KHDRBS2: variants seen among roughly 807,000 people sequenced by gnomAD.
KHDRBS2 encodes KH domain-containing, RNA-binding, signal transduction-associated protein 2.
In KHDRBS2, 26 loss-of-function variants were observed where a neutral mutation model predicts 44.3. The ratio of observed to expected loss-of-function variants is 0.59; its 90% CI spans 0.43 to 0.81. The LOEUF (loss-of-function observed/expected upper bound fraction) is 0.81. Ranked by LOEUF, KHDRBS2 falls within the 40% of genes least tolerant of loss-of-function variation. The pLI, the probability that KHDRBS2 is intolerant of heterozygous loss-of-function variation, is 0.00. For synonymous variants in KHDRBS2, 194 were observed against 151.1 expected, an observed-to-expected ratio of 1.28 and a Z score of -2.08; for missense variants, 476 against 433.1, an observed-to-expected ratio of 1.10 and a Z score of -0.88.
At chr6:61,745,199 T>G (rs1562079822) in intron 6 of KHDRBS2, among the ~76,000 whole-genome samples, 1 of 152,196 alleles carries the variant, frequency 6.6e-6, no homozygotes, top group Non-Finnish European at 1.5e-5. Flanking sequence ...TAGAGATTGC[T>G]TCTAGGCTAT....
chr6:62,246,747 A>G (rs960778112), intron 1 of KHDRBS2, among the ~76,000 whole-genome samples: 3 of 151,938 alleles, frequency 2.0e-5, no homozygotes, highest in Non-Finnish European at 2.9e-5. Flanking sequence ...ATTTTTTCCT[A>G]ATTTGGTAAG....
At chr6:61,618,202 C>T in the KHDRBS2 span, among the ~76,000 whole-genome samples, 2 of 152,080 alleles carry the variant, frequency 1.3e-5, no homozygotes, top group Non-Finnish European at 2.9e-5. Flanking sequence ...TTTTGTGGGG[C>T]ACTATTTTGA....
At chr6:62,036,907 A>C (rs1785395617) in intron 3 of KHDRBS2, among the ~76,000 whole-genome samples, 1 of 151,984 alleles carries the variant, frequency 6.6e-6, no homozygotes, top group Non-Finnish European at 1.5e-5. Flanking sequence ...GTATTATGAC[A>C]TAAAAGTACA....
At chr6:61,980,209 A>T (rs1449990665) in intron 3 of KHDRBS2, among the ~76,000 whole-genome samples, 1 of 152,174 alleles carries the variant, frequency 6.6e-6, no homozygotes, top group Non-Finnish European at 1.5e-5. Flanking sequence ...TAGGAAGATT[A>T]TTGTGCAGGA....
intron 2 of KHDRBS2, among the ~76,000 whole-genome samples, chr6:62,150,965 C>A (rs1477939078): frequency 1.3e-5 from 2 of 152,144 alleles, no homozygotes; most frequent in African/African-American, 2.4e-5. Context: ...TCTCCTAGGA[C>A]AATCTTTAAG....
At chr6:61,991,186 C>T (rs1412446678) in intron 3 of KHDRBS2, among the ~76,000 whole-genome samples, 2 of 152,140 alleles carry the variant, frequency 1.3e-5, no homozygotes, top group Non-Finnish European at 2.9e-5. Flanking sequence ...AAAATTTTCA[C>T]TAATGCAAAC....
At chr6:61,565,949 T>C in the KHDRBS2 span, among the ~76,000 whole-genome samples, 2 of 151,980 alleles carry the variant, frequency 1.3e-5, no homozygotes, top group Admixed American at 6.6e-5. Flanking sequence ...AGCTAAAATA[T>C]TTGAAATAAA....
At chr6:61,627,879 G>C in the KHDRBS2 span, among the ~76,000 whole-genome samples, 1 of 152,044 alleles carries the variant, frequency 6.6e-6, no homozygotes, top group African/African-American at 2.4e-5. Flanking sequence ...TCAAACCTGA[G>C]GGGTTAGTGA....
chr6:61,874,459 C>T (rs148271416), intron 6 of KHDRBS2, among the ~76,000 whole-genome samples: 1 of 152,094 alleles, frequency 6.6e-6, no homozygotes, highest in African/African-American at 2.4e-5. Flanking sequence ...AATGTGTCTA[C>T]TTTTTCCCCC....
chr6:61,694,431 G>A (rs1767686374), intron 8 of KHDRBS2, among the ~76,000 whole-genome samples: 1 of 152,172 alleles, frequency 6.6e-6, no homozygotes, highest in Admixed American at 6.5e-5. Context: ...CATGTTCTCA[G>A]AGACTAGTGA....
chr6:61,630,976 G>A, the KHDRBS2 span, among the ~76,000 whole-genome samples: 1 of 152,048 alleles, frequency 6.6e-6, no homozygotes, highest in Non-Finnish European at 1.5e-5. Flanking sequence ...TCTCAGCTTG[G>A]GTTCTCAAGT....
chr6:62,096,803 AG>A (rs1354124181), intron 2 of KHDRBS2, among the ~76,000 whole-genome samples: 2 of 151,718 alleles, frequency 1.3e-5, no homozygotes, highest in African/African-American at 4.8e-5. Flanking sequence ...CTGCAACATT[AG>A]GTTGTTTATT....
Position 62,217,271 on chromosome 6 carries a change from A to T in KHDRBS2, c.92-39959T>A, listed in dbSNP as rs1830169513. On this transcript the variant is annotated intron_variant, in intron 1 of 8. Coordinates refer to ENST00000281156, the MANE Select transcript of KHDRBS2 (RefSeq NM_152688.4). ...TAACAATCAATCAATCCTATATTCA[A>T]ATGACCAGAAAAAAAAGCTAAATTC... Among the ~76,000 whole-genome samples the T allele has an allele frequency of 2.0e-5, 3 of 151,760 alleles. No homozygotes were observed. In the South Asian group the frequency reaches 6.2e-4, roughly 32 times the overall value.
At chr6:61,887,204 A>T (rs1438980805) in intron 6 of KHDRBS2, among the ~76,000 whole-genome samples, 1 of 152,190 alleles carries the variant, frequency 6.6e-6, no homozygotes, top group Non-Finnish European at 1.5e-5. Context: ...AGTTGATAGT[A>T]TTATCCTGAG....
rs201374549 is a variant in KHDRBS2 at position 61,894,750 on chromosome 6, G to C, written c.695C>G (p.Ala232Gly). 3 of 1,613,446 alleles carry C rather than the reference G, an allele frequency of 1.9e-6. No homozygotes were observed. Among genetic ancestry groups the C allele is most frequent in the South Asian group, 2.2e-5 (2 of 90,994 alleles). Reference protein sequence around the residue: ...TPRGSTVTRGALPVPPVARGV... With the variant: ...TPRGSTVTRGGLPVPPVARGV... ...TCTTGCTACAGGTGGCACTGGAAGCGCTCCACGGGTTACAGTGCTTCCCCG... is the reference window on the plus strand; with the variant it reads ...TCTTGCTACAGGTGGCACTGGAAGCCCTCCACGGGTTACAGTGCTTCCCCG... The change falls in exon 6 of 9, where the codon GCG becomes GGG. Residue 232 changes from alanine to glycine, a missense_variant. Physicochemically the swap from Ala to Gly is moderately conservative, Grantham distance 60. Coordinates refer to ENST00000281156, the MANE Select transcript of KHDRBS2 (RefSeq NM_152688.4).
At chr6:61,690,417 C>T (rs981862593) in intron 8 of KHDRBS2, among the ~76,000 whole-genome samples, 4 of 151,856 alleles carry the variant, frequency 2.6e-5, no homozygotes, top group African/African-American at 9.7e-5. Context: ...AATGATTGTG[C>T]CATTAACTCA....
At chr6:61,635,913 C>T in the KHDRBS2 span, among the ~76,000 whole-genome samples, 1 of 151,986 alleles carries the variant, frequency 6.6e-6, no homozygotes, top group African/African-American at 2.4e-5. Flanking sequence ...CTGAGTACAT[C>T]TCCCAAACAG....
intron 6 of KHDRBS2, among the ~76,000 whole-genome samples, chr6:61,766,020 C>G (rs1167502079): frequency 1.3e-5 from 2 of 151,940 alleles, no homozygotes; most frequent in Admixed American, 1.3e-4. Context: ...AGTCTTCCGT[C>G]CTCTATTTTT....
chr6:62,109,316 A>C (rs1176292977), intron 2 of KHDRBS2, among the ~76,000 whole-genome samples: 1 of 152,080 alleles, frequency 6.6e-6, no homozygotes, highest in Non-Finnish European at 1.5e-5. Context: ...TAAAAAAAGT[A>C]CTTTCCAATC....
Sources: gnomAD v4.1 joint callset for allele counts (sites outside exome capture counted in the v4.1 genomes callset) on GRCh38, gnomAD v4.1.1 for gene constraint, MANE v1.5 for transcripts, NCBI Gene and HGNC (gene_info 2026-07-23, HGNC 2026-07-21) for gene names.